Variants in CHST8 observed in about 807,000 individuals in gnomAD.
The protein encoded by CHST8 is GALNAC-4-ST1.
A neutral mutation model predicts 15.0 loss-of-function variants in CHST8; 10 were observed. That is an observed-to-expected ratio of 0.67 (90% CI 0.41 to 1.13). The LOEUF (loss-of-function observed/expected upper bound fraction) is 1.13. Among genes scored for constraint, CHST8 ranks in the 50% most tolerant of loss-of-function variants. CHST8 has a pLI of 0.00. For missense variants in CHST8, 634 were observed against 608.2 expected, an observed-to-expected ratio of 1.04 and a Z score of -0.45; for synonymous variants, 259 against 256.6, an observed-to-expected ratio of 1.01 and a Z score of -0.09.
At chr19:33,653,520 A>T (rs1248073600) in intron 1 of CHST8, among the ~76,000 whole-genome samples, 1 of 152,008 alleles carries the variant, frequency 6.6e-6, no homozygotes, top group African/African-American at 2.4e-5. Flanking sequence ...AGTTCTGCAA[A>T]TTTTTTCAGT....
At chr19:33,657,680 C>T (rs141753385) in intron 1 of CHST8, among the ~76,000 whole-genome samples, 101 of 151,758 alleles carry the variant, frequency 6.7e-4, no homozygotes, top group Admixed American at 1.4e-3. Flanking sequence ...GGGATCCTCT[C>T]ACAGCAGCCT....
intron 3 of CHST8, among the ~76,000 whole-genome samples, chr19:33,758,933 G>A (rs1416652497): frequency 2.0e-5 from 3 of 151,684 alleles, no homozygotes; most frequent in East Asian, 1.9e-4. Flanking sequence ...GGGGGGGGGC[G>A]GTGCTCAAAG....
chr19:33,669,855 G>T (rs765530363), intron 2 of CHST8, among the ~76,000 whole-genome samples: 1 of 152,222 alleles, frequency 6.6e-6, no homozygotes, highest in Non-Finnish European at 1.5e-5. Flanking sequence ...GGCCGAAGAT[G>T]ATATCATTGA....
In CHST8 at chr19:33,772,449, G is replaced by A. The variant is rs768133934; in HGVS notation, c.661G>A (p.Asp221Asn). ...GGCCGGCCTGGCCTCGTCCACTGCC[G>A]ACATCCAGCACAACACCGTCCACTA... ...VLAGLASSTA[D>N]IQHNTVHYGS... Residue 221 changes from aspartate (D) to asparagine (N), a missense_variant, in exon 5 of 5, where the codon GAC (aspartate) becomes AAC (asparagine). Physicochemically the swap from Asp to Asn is conservative, Grantham distance 23. Transcript: ENST00000650847. 14 of 1,612,216 alleles carry A rather than the reference G, an allele frequency of 8.7e-6. No homozygotes were observed. The African/African-American group carries it at 1.3e-4, about 15-fold the overall frequency.
chr19:33,690,279 C>G (rs144903279), intron 3 of CHST8, among the ~76,000 whole-genome samples: 23 of 152,296 alleles, frequency 1.5e-4, no homozygotes, highest in African/African-American at 5.3e-4. Flanking sequence ...CACTCACTCT[C>G]TCTTGCTTGC....
chr19:33,643,586 C>T (rs1972311960), intron 1 of CHST8, among the ~76,000 whole-genome samples: 1 of 152,206 alleles, frequency 6.6e-6, no homozygotes, highest in Non-Finnish European at 1.5e-5. Context: ...TCACTCTTTG[C>T]TTGCTGATTT....
intron 3 of CHST8, among the ~76,000 whole-genome samples, chr19:33,748,646 C>T (rs1182566947): frequency 2.6e-5 from 4 of 152,186 alleles, no homozygotes; most frequent in African/African-American, 7.2e-5. Flanking sequence ...CCCACAGGCC[C>T]GGCTGCTCAC....
At chr19:33,766,492 G>A (rs964715993) in intron 3 of CHST8, among the ~76,000 whole-genome samples, 3 of 152,202 alleles carry the variant, frequency 2.0e-5, no homozygotes, top group African/African-American at 7.2e-5. Flanking sequence ...CTGTGGGGCT[G>A]CCCCAGGGCT....
At chr19:33,638,813 G>T (rs1972240436) in intron 1 of CHST8, among the ~76,000 whole-genome samples, 1 of 152,096 alleles carries the variant, frequency 6.6e-6, no homozygotes, top group Non-Finnish European at 1.5e-5. Context: ...CATGCTGGTG[G>T]ATTTTTTAGG....
At chr19:33,687,512 C>T (rs1202459986) in intron 2 of CHST8, among the ~76,000 whole-genome samples, 1 of 152,200 alleles carries the variant, frequency 6.6e-6, no homozygotes, top group Non-Finnish European at 1.5e-5. Context: ...CAAAACAGGC[C>T]CAGCTCAGTG....
intron 1 of CHST8, among the ~76,000 whole-genome samples, chr19:33,646,246 C>T (rs1045774268): frequency 6.6e-6 from 1 of 152,046 alleles, no homozygotes; most frequent in African/African-American, 2.4e-5. Flanking sequence ...GTTTGGTGGA[C>T]AGGGTACTAG....
In CHST8 at chr19:33,772,526, C is replaced by T; in HGVS notation, c.738C>T (p.His246=). The part of the protein sequence containing the change: ...LDTFDRQGIL[H]RLSTYTKMLF... ...CCTTCGACCGCCAGGGTATCTTGCA[C>T]CGTCTCAGCACCTACACCAAGATGC... The change falls in exon 5 of 5, where the codon CAC becomes CAT. Residue 246 remains histidine (H), a synonymous_variant. Transcript: ENST00000650847. The T allele has an allele frequency of 6.2e-7, 1 of 1,614,012 alleles. No homozygotes were observed. The highest frequency in any genetic ancestry group is 8.5e-7 in the Non-Finnish European group (1 of 1,180,016).
intron 1 of CHST8, among the ~76,000 whole-genome samples, chr19:33,648,568 A>G (rs1363135226): frequency 2.6e-5 from 4 of 152,224 alleles, no homozygotes; most frequent in Non-Finnish European, 4.4e-5. Flanking sequence ...TCTCTAAAAA[A>G]TAAAAAATTA....
At chr19:33,636,194 T>C (rs766130524) in intron 1 of CHST8, among the ~76,000 whole-genome samples, 1 of 152,152 alleles carries the variant, frequency 6.6e-6, no homozygotes, top group Non-Finnish European at 1.5e-5. Context: ...CGATGCTAAT[T>C]TGATGCGGCA....
At chr19:33,648,031 G>A (rs1260203558) in intron 1 of CHST8, among the ~76,000 whole-genome samples, 2 of 151,956 alleles carry the variant, frequency 1.3e-5, no homozygotes, top group African/African-American at 2.4e-5. Flanking sequence ...GTTCAGAGGG[G>A]AGAACTGTTT....
intron 1 of CHST8, among the ~76,000 whole-genome samples, chr19:33,624,115 C>T (rs1284678892): frequency 2.0e-5 from 3 of 152,216 alleles, no homozygotes; most frequent in Admixed American, 6.5e-5. Flanking sequence ...GAATCAGACT[C>T]GGCAAGAGTG....
intron 1 of CHST8, among the ~76,000 whole-genome samples, chr19:33,658,272 G>A (rs35991147): frequency 0.18 from 26,706 of 152,114 alleles, 2,946 homozygotes; most frequent in Non-Finnish European, 0.24. Flanking sequence ...CTCGGGAGGC[G>A]GAGATTGCAG....
chr19:33,755,793 C>T (rs1007217095), intron 3 of CHST8, among the ~76,000 whole-genome samples: 1 of 152,226 alleles, frequency 6.6e-6, no homozygotes, highest in African/African-American at 2.4e-5. Flanking sequence ...AGGAAAACAG[C>T]TCAGATATCT....
At chr19:33,767,967 C>G (rs57104782) in intron 3 of CHST8, among the ~76,000 whole-genome samples, 16,959 of 152,152 alleles carry the variant, frequency 0.11, 1,104 homozygotes, top group Admixed American at 0.15. Context: ...AAGTGCCCCC[C>G]ACGGCACTGG....
Sources: gnomAD v4.1 joint callset for allele counts (sites outside exome capture counted in the v4.1 genomes callset) on GRCh38, gnomAD v4.1.1 for gene constraint, MANE v1.5 for transcripts, NCBI Gene and HGNC (gene_info 2026-07-23, HGNC 2026-07-21) for gene names.